Variants in ST8SIA6 observed in about 807,000 individuals in gnomAD.
ST8SIA6 encodes alpha-2,8-sialyltransferase 8F.
ST8SIA6 carries 39 observed loss-of-function variants against 33.6 expected under a neutral mutation model. The observed-to-expected ratio is 1.16, with a 90% CI of 0.90 to 1.52. The LOEUF (loss-of-function observed/expected upper bound fraction) is 1.52, where lower values mean the gene tolerates loss of function less well. Ranked by LOEUF, ST8SIA6 falls within the 40% of genes most tolerant of loss-of-function variation. ST8SIA6 has a pLI of 0.00. For missense variants in ST8SIA6, 441 were observed against 443.8 expected, an observed-to-expected ratio of 0.99 and a Z score of 0.06; for synonymous variants, 172 against 167.2, an observed-to-expected ratio of 1.03 and a Z score of -0.22.
At chr10:17,348,147 C>T (rs1848908697) in intron 4 of ST8SIA6, among the ~76,000 whole-genome samples, 1 of 149,088 alleles carries the variant, frequency 6.7e-6, no homozygotes, top group African/African-American at 2.5e-5. Context: ...GTAAAGAAAC[C>T]AATTTTCGTT....
intron 7 of ST8SIA6, among the ~76,000 whole-genome samples, chr10:17,322,175 AAAG>A (rs1382280115): frequency 2.0e-5 from 3 of 151,402 alleles, no homozygotes; most frequent in Non-Finnish European, 2.9e-5. Context: ...AAGACGGAAG[AAAG>A]AAGGAGAGAA....
chr10:17,399,126 G>A (rs1278615111), intron 2 of ST8SIA6: 1 of 152,036 alleles, frequency 6.6e-6, no homozygotes, highest in African/African-American at 2.4e-5. Flanking sequence ...ATCAAGTCAC[G>A]GCGCCTACAA....
intron 4 of ST8SIA6, among the ~76,000 whole-genome samples, chr10:17,350,197 A>T (rs1358618107): frequency 6.6e-6 from 1 of 152,222 alleles, no homozygotes; most frequent in African/African-American, 2.4e-5. Flanking sequence ...CATGGTGACC[A>T]GTTTGAAGGT....
chr10:17,451,508 G>A (rs1035016639), intron 2 of ST8SIA6, among the ~76,000 whole-genome samples: 2 of 152,118 alleles, frequency 1.3e-5, no homozygotes, highest in East Asian at 1.9e-4. Flanking sequence ...CTAAAATGCC[G>A]ACTTCACCAC....
At chr10:17,346,665 A>G (rs1250036484) in intron 4 of ST8SIA6, among the ~76,000 whole-genome samples, 1 of 152,186 alleles carries the variant, frequency 6.6e-6, no homozygotes, top group Non-Finnish European at 1.5e-5. Flanking sequence ...GAGAGAGAAT[A>G]TGAAATCACT....
At chr10:17,366,382 C>T (rs1011168600) in intron 3 of ST8SIA6, among the ~76,000 whole-genome samples, 2 of 151,898 alleles carry the variant, frequency 1.3e-5, no homozygotes, top group African/African-American at 4.8e-5. Context: ...TACTTCTTCA[C>T]AGCCCCAGTG....
intron 2 of ST8SIA6, among the ~76,000 whole-genome samples, chr10:17,395,608 C>A (rs1018594938): frequency 1.3e-5 from 2 of 152,118 alleles, no homozygotes; most frequent in African/African-American, 4.8e-5. Context: ...ACTTGCCAGG[C>A]ATGGTGGCTA....
chr10:17,402,605 C>T (rs189615939), intron 2 of ST8SIA6, among the ~76,000 whole-genome samples: 21 of 152,184 alleles, frequency 1.4e-4, no homozygotes, highest in Non-Finnish European at 2.6e-4. Flanking sequence ...TAAAAAAGGA[C>T]GAGTTCATGT....
At chr10:17,356,501 A>T (rs12220993) in intron 4 of ST8SIA6, among the ~76,000 whole-genome samples, 1 of 151,638 alleles carries the variant, frequency 6.6e-6, no homozygotes, top group Non-Finnish European at 1.5e-5. Flanking sequence ...CTCCCGCCTC[A>T]GTGATTCTTC....
At chr10:17,337,217 C>T (rs1280934019) in intron 4 of ST8SIA6, among the ~76,000 whole-genome samples, 1 of 152,170 alleles carries the variant, frequency 6.6e-6, no homozygotes, top group African/African-American at 2.4e-5. Flanking sequence ...TATAAGTTTC[C>T]TGAGGCCTCC....
intron 3 of ST8SIA6, among the ~76,000 whole-genome samples, chr10:17,387,458 G>A (rs915562656): frequency 1.5e-5 from 2 of 136,782 alleles, no homozygotes; most frequent in African/African-American, 2.6e-5. Flanking sequence ...GGGGGGGGGG[G>A]GGTTCTCCAT....
intron 2 of ST8SIA6, among the ~76,000 whole-genome samples, chr10:17,396,051 C>G (rs1246346789): frequency 1.3e-5 from 2 of 152,184 alleles, no homozygotes; most frequent in African/African-American, 4.8e-5. Context: ...CATGAGAAGC[C>G]TCCGACCCAT....
intron 2 of ST8SIA6, among the ~76,000 whole-genome samples, chr10:17,420,600 C>T (rs1851751768): frequency 6.6e-6 from 1 of 152,030 alleles, no homozygotes; most frequent in Non-Finnish European, 1.5e-5. Flanking sequence ...GTTGATAACA[C>T]CTGTACAGAA....
intron 3 of ST8SIA6, among the ~76,000 whole-genome samples, chr10:17,381,944 A>G (rs1850165743): frequency 6.6e-6 from 1 of 152,190 alleles, no homozygotes; most frequent in Non-Finnish European, 1.5e-5. Flanking sequence ...AGTTTTTCCC[A>G]AAATTAGCTT....
chr10:17,431,219 C>A (rs1227635660), intron 2 of ST8SIA6, among the ~76,000 whole-genome samples: 1 of 152,118 alleles, frequency 6.6e-6, no homozygotes, highest in Non-Finnish European at 1.5e-5. Context: ...GAGAACTAGC[C>A]GCTGAGGATG....
At position 17,323,229 on chromosome 10, in the gene ST8SIA6, G is replaced by GCGCACGCACACACACACA. The variant is rs112083592; in HGVS notation, c.636-73_636-72insTGTGTGTGTGTGCGTGCG. On this transcript the variant is annotated intron_variant, in intron 6 of 7. Transcript: ENST00000377602. ...AAAGATTGTATACACACATATGCGC[G>GCGCACGCACACACACACA]CACACACACACACACACACACCTAT... 1,123 of 794,438 alleles carry GCGCACGCACACACACACA rather than the reference G, an allele frequency of 1.4e-3. 55 individuals are homozygous for GCGCACGCACACACACACA. Among genetic ancestry groups the GCGCACGCACACACACACA allele is most frequent in the Middle Eastern group, 8.5e-3 (23 of 2,706 alleles). 49.2% of individuals were successfully genotyped at this position (794,438 alleles called of 1,614,324 possible).
At chr10:17,360,280 A>C (rs1015830057) in intron 3 of ST8SIA6, among the ~76,000 whole-genome samples, 1 of 152,108 alleles carries the variant, frequency 6.6e-6, no homozygotes, top group African/African-American at 2.4e-5. Context: ...GAAAACTCTT[A>C]AATTTTATTT....
At chr10:17,379,878 G>T (rs1055444497) in intron 3 of ST8SIA6, among the ~76,000 whole-genome samples, 1 of 152,108 alleles carries the variant, frequency 6.6e-6, no homozygotes, top group Non-Finnish European at 1.5e-5. Flanking sequence ...GATTTTCTGG[G>T]TTCACATTTT....
In ST8SIA6 at chr10:17,359,500, A is replaced by G. The variant is rs1027450372; in HGVS notation, c.377+14T>C. The G allele has an allele frequency of 4.5e-6, 7 of 1,558,288 alleles. No individual in the cohort carries two copies. In the African/African-American group the frequency reaches 5.5e-5, roughly 12 times the overall value. ...ACATTTTTAAAATCTCATATTATTT[A>G]TGAAAAAAATTACCTAAAATTTGCA... is the stretch of plus-strand genomic sequence containing the variant. On this transcript the variant is annotated intron_variant, in intron 4 of 7. Transcript: ENST00000377602.
Sources: allele counts gnomAD v4.1 joint callset (sites outside exome capture counted in the v4.1 genomes callset), GRCh38; gene constraint gnomAD v4.1.1; transcripts MANE v1.5; gene names NCBI Gene and HGNC (gene_info 2026-07-23, HGNC 2026-07-21).